The following STK25 variants were observed in gnomAD, a reference collection of about 807,000 sequenced individuals.
The protein encoded by STK25 is serine/threonine kinase 25.
Under a neutral mutation model 53.8 loss-of-function variants are expected in STK25, and 29 were observed. The ratio of observed to expected loss-of-function variants is 0.54; its 90% CI spans 0.40 to 0.74. The LOEUF (loss-of-function observed/expected upper bound fraction) is 0.74, where lower values mean the gene tolerates loss of function less well. Ranked by LOEUF, STK25 falls within the 30% of genes least tolerant of loss-of-function variation. The probability of loss-of-function intolerance (pLI) is 0.00; values close to 1 mark genes in which losing one functional copy is unlikely to be tolerated. For synonymous variants in STK25, 247 were observed against 238.3 expected (o/e 1.04, Z -0.33); for missense variants, 420 against 568.0 (o/e 0.74, Z 2.65).
At chr2:241,506,159 C>T (rs981224496) in intron 2 of STK25, among the ~76,000 whole-genome samples, 11 of 152,334 alleles carry the variant, frequency 7.2e-5, no homozygotes, top group South Asian at 6.2e-4. Flanking sequence ...ATGGGGGGAA[C>T]GCGCCCCACT....
chr2:241,503,696 C>CAA (rs60021706), intron 2 of STK25, among the ~76,000 whole-genome samples: 24 of 100,206 alleles, frequency 2.4e-4, no homozygotes, highest in East Asian at 1.1e-3. Context: ...GACTCCGTCT[C>CAA]AAAAAAAAAA....
rs1157223401 is a variant in STK25 at position 241,496,355 on chromosome 2, G to A, written c.1241+43C>T. ...GACCTCACCCCACGTCCAGCTTCTT[G>A]GTGGGGGTGCTCTCCCCGACCCTAT... On this transcript the variant is annotated intron_variant, in intron 11 of 11. Coordinates refer to ENST00000316586, the MANE Select transcript of STK25 (RefSeq NM_001271977.2). This position sits in a 1 kb window ranked among gnomAD's most constrained non-coding sequence, Gnocchi z 5.8. 3 of 1,589,254 alleles carry A rather than the reference G, an allele frequency of 1.9e-6. No homozygotes were observed. Among genetic ancestry groups the A allele is most frequent in the African/African-American group, 2.7e-5 (2 of 74,560 alleles).
chr2:241,493,555 C>CT lies in STK25; in HGVS notation c.*2106dup. On this transcript the variant is annotated 3_prime_UTR_variant, in exon 12 of 12. Transcript: ENST00000316586. ...TTTTCTGGGCCCTGGAAAGGAAGGG[C>CT]TGAGCAATGCTTCCAGCATTTCCAA... The CT allele has an allele frequency of 1.1e-6, 1 of 930,344 alleles. No homozygotes were observed. 57.6% of individuals were successfully genotyped at this position (930,344 alleles called of 1,614,324 possible).
rs1435364475 is a variant in STK25, at chr2:241,495,576, G to C, written c.*86C>G. 2 of 1,493,392 alleles carry C rather than the reference G, an allele frequency of 1.3e-6. No homozygotes were observed. Among genetic ancestry groups the C allele is most frequent in the African/African-American group, 2.8e-5 (2 of 72,520 alleles). 92.5% of individuals were successfully genotyped at this position (1,493,392 alleles called of 1,614,324 possible). A position where few individuals can be genotyped will look rare whatever the true frequency, so the allele number is the denominator to read the frequency against. ...GTCCCTGCAGGCACGACATAGCACA[G>C]GGCACCTTCCAAGTCAGCACAGTTC... is the stretch of plus-strand genomic sequence containing the variant. On this transcript the variant is annotated 3_prime_UTR_variant, in exon 12 of 12. Transcript: ENST00000316586.
Position 241,496,725 on chromosome 2 carries a change from C to T in STK25, c.1105-191G>A, listed in dbSNP as rs1051296305. Among the ~76,000 whole-genome samples the T allele has an allele frequency of 1.3e-5, 2 of 152,016 alleles. No individual in the cohort carries two copies. The highest frequency in any genetic ancestry group is 4.8e-5 in the African/African-American group (2 of 41,376). ...TCTGCCCCTGCCCTGCCAACGGGGA[C>T]CCTAGTGGTCCTTCCCCACAGCACC... is the stretch of plus-strand genomic sequence containing the variant. On this transcript the variant is annotated intron_variant, in intron 10 of 11. Transcript: ENST00000316586. This position sits in a 1 kb window ranked among gnomAD's most constrained non-coding sequence, Gnocchi z 5.8.
intron 9 of STK25, among the ~76,000 whole-genome samples, 179 bp from the exon 10 acceptor site, chr2:241,497,866 A>G (rs2065264871): frequency 6.9e-6 from 1 of 144,388 alleles, no homozygotes; most frequent in South Asian, 2.2e-4. Context: ...TCTGAGGGCG[A>G]CTCCCACCCT....
At chr2:241,505,232 T>C (rs1241656734) in intron 2 of STK25, among the ~76,000 whole-genome samples, 4 of 152,036 alleles carry the variant, frequency 2.6e-5, no homozygotes, top group Non-Finnish European at 4.4e-5. Context: ...TGTCAAATCC[T>C]CCCTGTTTGC....
chr2:241,498,968 C>T (rs749095228), intron 7 of STK25, 21 bp downstream of exon 7: 6 of 1,613,086 alleles, frequency 3.7e-6, no homozygotes, highest in South Asian at 1.1e-5. Context: ...TAGAAGGGAC[C>T]GGGCCAGAGG....
intron 11 of STK25, 41 bp from the exon 12 acceptor site, chr2:241,495,742 G>C: frequency 1.2e-6 from 2 of 1,612,798 alleles, no homozygotes; most frequent in Non-Finnish European, 1.7e-6. Context: ...GTGCACCTCT[G>C]TGCCCAGGCT....
rs567458919 is a variant in STK25, at chr2:241,494,371, G to A, written c.*1291C>T. On this transcript the variant is annotated 3_prime_UTR_variant, in exon 12 of 12. Coordinates refer to ENST00000316586, the MANE Select transcript of STK25 (RefSeq NM_001271977.2). This position sits in a 1 kb window ranked among gnomAD's most constrained non-coding sequence, Gnocchi z 4.9. ...ATGTGCGAGTCTTGAGCGCGGAGCC[G>A]CTCAAGCCACAGCTCCCAGGCCCCT... The A allele has an allele frequency of 6.6e-5, 21 of 316,408 alleles. No homozygotes were observed. Among genetic ancestry groups the A allele is most frequent in the Admixed American group, 6.0e-4 (12 of 19,840 alleles). The allele number at this position is 316,408 out of a possible 1,614,324, so 19.6% of individuals were successfully genotyped here. A position where few individuals can be genotyped will look rare whatever the true frequency, so the allele number is the denominator to read the frequency against.
At chr2:241,500,708 A>G (rs2065456282) in intron 4 of STK25, 32 bp downstream of exon 4, 1 of 1,611,488 alleles carries the variant, frequency 6.2e-7, no homozygotes, top group Non-Finnish European at 8.5e-7. Context: ...CGGACACTGC[A>G]TGACCCCCCA....
chr2:241,507,321 G>C (rs1040444854), intron 2 of STK25, among the ~76,000 whole-genome samples: 2 of 152,154 alleles, frequency 1.3e-5, no homozygotes, highest in Non-Finnish European at 2.9e-5. Flanking sequence ...CTAAGGGCTC[G>C]CCGTAGTGGC....
chr2:241,498,584 G>C (rs1407070440), intron 8 of STK25, 55 bp downstream of exon 8: 1 of 1,567,088 alleles, frequency 6.4e-7, no homozygotes, highest in South Asian at 1.2e-5. Flanking sequence ...TCTGGAGTGG[G>C]GACCACCCAC....
Position 241,493,309 on chromosome 2 carries a change from C to G in STK25, c.*2353G>C, listed in dbSNP as rs1269627783. The G allele has an allele frequency of 6.2e-7, 1 of 1,613,884 alleles. No homozygotes were observed. Among genetic ancestry groups the G allele is most frequent in the South Asian group, 1.1e-5 (1 of 91,084 alleles). On this transcript the variant is annotated 3_prime_UTR_variant, in exon 12 of 12. Transcript: ENST00000316586. ...GTCTTGCAGGATGACTACCCACTGG[C>G]CAGCCTCCCGCTGCTGGGCTACAGC...
At position 241,496,514 on chromosome 2, in the gene STK25, C is replaced by G; in HGVS notation, c.1125G>C (p.Gln375His). 1 of 1,613,766 alleles carries G rather than the reference C, an allele frequency of 6.2e-7. No homozygotes were observed. Among genetic ancestry groups the G allele is most frequent in the Non-Finnish European group, 8.5e-7 (1 of 1,179,954 alleles). Residue 375 changes from glutamine (Q) to histidine (H), a missense_variant, in exon 11 of 12, where the codon CAG becomes CAC. Gln to His is a conservative substitution (Grantham distance 24). Coordinates refer to ENST00000316586, the MANE Select transcript of STK25 (RefSeq NM_001271977.2). The surrounding 1 kb of genome is among the most constrained non-coding windows in gnomAD (Gnocchi z 5.8). ...VFGELKEKHKQSGGSVGALEE... is the reference protein window; with the variant it reads ...VFGELKEKHKHSGGSVGALEE... The stretch of plus-strand genomic sequence containing the variant: ...CCAGCGCACCCACGCTCCCGCCGCT[C>G]TGCTTGTGCTTCTCTTTGAGCTGTG...
intron 1 of STK25, 65 bp downstream of exon 1, chr2:241,508,377 GC>G: frequency 1.9e-6 from 1 of 513,186 alleles, no homozygotes; most frequent in Non-Finnish European, 2.7e-6. Flanking sequence ...ACCGAGCCCC[GC>G]CCCGGGCCCC....
chr2:241,493,454 C>T lies in STK25; in HGVS notation c.*2208G>A. ...AGTACACATTTGAAAGGTAATTTTG[C>T]AGGAGGCAGCCCTGGTCAGCTGCCC... On this transcript the variant is annotated 3_prime_UTR_variant, in exon 12 of 12. Transcript: ENST00000316586. 1.2e-6 allele frequency: 2 copies of T among 1,613,222 alleles called. No individual in the cohort carries two copies. The highest frequency in any genetic ancestry group is 1.7e-6 in the Non-Finnish European group (2 of 1,179,574).
At chr2:241,503,564 T>C (rs944153822) in intron 2 of STK25, among the ~76,000 whole-genome samples, 1 of 151,050 alleles carries the variant, frequency 6.6e-6, no homozygotes, top group Non-Finnish European at 1.5e-5. Flanking sequence ...ATACAAAAAA[T>C]TAGCCGGGTG....
Position 241,494,187 on chromosome 2 carries a change from T to G in STK25, c.*1475A>C, listed in dbSNP as rs2065040711. ...AACAGCAGGACACAGAGGTGACCTCTGTCCTGAGGCTTCTCAACAGATGGG... is the reference window on the plus strand; with the variant it reads ...AACAGCAGGACACAGAGGTGACCTCGGTCCTGAGGCTTCTCAACAGATGGG... On this transcript the variant is annotated 3_prime_UTR_variant, in exon 12 of 12. Transcript: ENST00000316586. The surrounding 1 kb of genome is among the most constrained non-coding windows in gnomAD (Gnocchi z 4.9). The G allele has an allele frequency of 2.2e-5, 23 of 1,027,592 alleles. No homozygotes were observed. The highest frequency in any genetic ancestry group is 3.0e-5 in the Non-Finnish European group (22 of 729,092). 63.7% of individuals were successfully genotyped at this position (1,027,592 alleles called of 1,614,324 possible).
Sources: gnomAD v4.1 joint callset for allele counts (sites outside exome capture counted in the v4.1 genomes callset) on GRCh38, gnomAD v4.1.1 for gene constraint, Gnocchi (gnomAD v3.1) non-coding constraint, MANE v1.5 for transcripts, NCBI Gene and HGNC (gene_info 2026-07-23, HGNC 2026-07-21) for gene names.